XPO4: variants seen among roughly 807,000 people sequenced by gnomAD.
XPO4 encodes exportin-4.
A neutral mutation model predicts 143.0 loss-of-function variants in XPO4; 39 were observed. That is an observed-to-expected ratio of 0.27 (90% confidence interval 0.21 to 0.36). The LOEUF is 0.36. Among genes scored for constraint, XPO4 ranks in the 10% least tolerant of loss-of-function variants. XPO4 has a pLI of 1.00. For missense variants in XPO4, 907 were observed against 1,348.0 expected (o/e 0.67, Z 5.12); for synonymous variants, 439 against 474.0 (o/e 0.93, Z 0.96).
chr13:20,795,033 C>T (rs2059338579), intron 18 of XPO4, among the ~76,000 whole-genome samples: 1 of 150,954 alleles, frequency 6.6e-6, no homozygotes, highest in Admixed American at 6.6e-5. Flanking sequence ...AGACATGGTC[C>T]AGTGAATAAG....
At chr13:20,818,441 A>T (rs2059677439) in intron 9 of XPO4, among the ~76,000 whole-genome samples, 2 of 152,188 alleles carry the variant, frequency 1.3e-5, no homozygotes, top group South Asian at 4.1e-4. Flanking sequence ...CTTGCTACAC[A>T]ACGTTACCAC....
intron 1 of XPO4, among the ~76,000 whole-genome samples, chr13:20,884,900 TA>T (rs1466169653): frequency 6.6e-6 from 1 of 152,188 alleles, no homozygotes; most frequent in Non-Finnish European, 1.5e-5. Flanking sequence ...AAAAGACAAT[TA>T]AAACTCTGGA....
At chr13:20,827,718 T>C (rs899808780) in intron 6 of XPO4, among the ~76,000 whole-genome samples, 1 of 152,108 alleles carries the variant, frequency 6.6e-6, no homozygotes, top group Non-Finnish European at 1.5e-5. Flanking sequence ...GGTCACAGTA[T>C]CTAAATATCA....
At chr13:20,856,818 A>T in intron 3 of XPO4, 2 of 953,206 alleles carry the variant, frequency 2.1e-6, no homozygotes, top group Non-Finnish European at 2.5e-6. Context: ...AGGCCTCTGA[A>T]CTTCTATTCC....
chr13:20,899,346 TAAA>T (rs540285081), intron 1 of XPO4, among the ~76,000 whole-genome samples: 1 of 116,692 alleles, frequency 8.6e-6, no homozygotes, highest in Non-Finnish European at 1.9e-5. Flanking sequence ...GTAAAAAAAG[TAAA>T]AAAAAAAAAA....
At position 20,843,875 on chromosome 13, in the gene XPO4, G is replaced by A; in HGVS notation, c.468C>T (p.Ala156=). 6.2e-7 allele frequency: 1 copy of A among 1,611,370 alleles called. No homozygotes were observed. The highest frequency in any genetic ancestry group is 8.5e-7 in the Non-Finnish European group (1 of 1,178,650). The stretch of plus-strand genomic sequence containing the variant: ...TCAATAGCGCAGTCAGAATAGAACA[G>A]GCCAGAGTTTGCTGTAATTATTTGA... ...SSGNPTVQTL[A]CSILTALLSE... Residue 156 remains alanine (A), a synonymous_variant, in exon 5 of 23, where the codon GCC becomes GCT. Transcript: ENST00000255305.
At chr13:20,805,126 T>C (rs1289089206) in intron 13 of XPO4, among the ~76,000 whole-genome samples, 1 of 152,088 alleles carries the variant, frequency 6.6e-6, no homozygotes, top group Non-Finnish European at 1.5e-5. Context: ...TTTTTGTATT[T>C]AGTAGAGATG....
chr13:20,856,230 T>C, intron 3 of XPO4: 2 of 635,044 alleles, frequency 3.1e-6, no homozygotes, highest in Non-Finnish European at 3.9e-6. Context: ...ACTACTAATC[T>C]AATCCTAAAT....
chr13:20,797,128 T>C, intron 16 of XPO4, 71 bp from the exon 17 acceptor site: 1 of 1,413,782 alleles, frequency 7.1e-7, no homozygotes, highest in Non-Finnish European at 9.5e-7. Context: ...TGGATACATA[T>C]TCACTTTCCA....
intron 4 of XPO4, chr13:20,848,354 T>C (rs1288762612): frequency 1.0e-6 from 1 of 985,334 alleles, no homozygotes; most frequent in Non-Finnish European, 1.2e-6. Flanking sequence ...CTTCTTCAAA[T>C]AACTGTGGTC....
At chr13:20,868,139 T>C (rs2060260548) in intron 2 of XPO4, among the ~76,000 whole-genome samples, 2 of 151,324 alleles carry the variant, frequency 1.3e-5, no homozygotes, top group Non-Finnish European at 1.5e-5. Flanking sequence ...CTGATATTCA[T>C]TAAGCAAGCT....
chr13:20,823,989 G>C (rs565212971), intron 7 of XPO4, among the ~76,000 whole-genome samples: 36 of 152,150 alleles, frequency 2.4e-4, no homozygotes, highest in Non-Finnish European at 4.3e-4. Flanking sequence ...AAGCTTTACT[G>C]GAACACCGCC....
intron 8 of XPO4, 56 bp downstream of exon 8, chr13:20,822,076 T>C: frequency 1.3e-6 from 2 of 1,530,592 alleles, no homozygotes; most frequent in Non-Finnish European, 1.8e-6. Context: ...TTTCTTCTAC[T>C]GTTAAACACA....
intron 12 of XPO4, among the ~76,000 whole-genome samples, chr13:20,808,224 A>C (rs7995333): frequency 3.5e-4 from 54 of 152,358 alleles, no homozygotes; most frequent in African/African-American, 1.2e-3. Context: ...GGGTAGAATG[A>C]GATCCATGAA....
Position 20,807,639 on chromosome 13 carries a change from A to G in XPO4, c.1640-5T>C. On this transcript the variant is annotated splice_region_variant and splice_polypyrimidine_tract_variant and intron_variant, in intron 12 of 22. Transcript: ENST00000255305. ...TATCATCAGCTAAGAGGTAGCCTTC[A>G]GTTTAAAAAAAATTAAAAATGAACA... 1 of 1,552,982 alleles carries G rather than the reference A, an allele frequency of 6.4e-7. No individual in the cohort carries two copies. Among genetic ancestry groups the G allele is most frequent in the Non-Finnish European group, 8.6e-7 (1 of 1,160,172 alleles).
At chr13:20,863,243 C>T in intron 2 of XPO4, 1 of 373,384 alleles carries the variant, frequency 2.7e-6, no homozygotes, top group Non-Finnish European at 3.7e-6. Flanking sequence ...TTTTAATAAA[C>T]TAGTCATTGA....
chr13:20,851,939 C>T (rs2060093867), intron 4 of XPO4: 1 of 985,218 alleles, frequency 1.0e-6, no homozygotes, highest in Non-Finnish European at 1.2e-6. Context: ...TGCCAGGTTG[C>T]AGTGGGACTA....
chr13:20,883,136 T>C (rs368764095), intron 1 of XPO4, among the ~76,000 whole-genome samples: 1 of 152,236 alleles, frequency 6.6e-6, no homozygotes, highest in Non-Finnish European at 1.5e-5. Flanking sequence ...TTACCATCCT[T>C]TGCGGTTCCC....
intron 22 of XPO4, 29 bp downstream of exon 22, chr13:20,786,936 A>G (rs1456209402): frequency 6.6e-7 from 1 of 1,526,626 alleles, no homozygotes; most frequent in South Asian, 1.2e-5. Flanking sequence ...GAATGAGAAG[A>G]GTCCCCTGAA....
Sources: gnomAD v4.1 joint callset for allele counts (sites outside exome capture counted in the v4.1 genomes callset) on GRCh38, gnomAD v4.1.1 for gene constraint, MANE v1.5 for transcripts, NCBI Gene and HGNC (gene_info 2026-07-23, HGNC 2026-07-21) for gene names.